CDH6: variants seen among roughly 807,000 people sequenced by gnomAD.
CDH6 encodes cadherin-6.
Under a neutral mutation model 78.0 loss-of-function variants are expected in CDH6, and 31 were observed. The observed-to-expected ratio is 0.40, with a 90% CI of 0.30 to 0.54. CDH6 has a LOEUF of 0.54. Among genes scored for constraint, CDH6 ranks in the 20% least tolerant of loss-of-function variants. The probability of loss-of-function intolerance (pLI) is 0.56; values close to 1 mark genes in which losing one functional copy is unlikely to be tolerated. For synonymous variants in CDH6, 376 were observed against 368.8 expected, an observed-to-expected ratio of 1.02 and a Z score of -0.23; for missense variants, 724 against 975.9, an observed-to-expected ratio of 0.74 and a Z score of 3.44.
rs533470726 is a variant in CDH6 at position 31,229,299 on chromosome 5, T to C, written c.-129+35413T>C. Among the ~76,000 whole-genome samples the C allele has an allele frequency of 9.7e-4, 148 of 152,366 alleles. 1 individual carries two copies. The highest frequency in any genetic ancestry group is 3.4e-3 in the African/African-American group (143 of 41,582). On this transcript the variant is annotated intron_variant, in intron 1 of 11. Coordinates refer to ENST00000265071, the MANE Select transcript of CDH6 (RefSeq NM_004932.4). ...ACTACCCTGGCTAACAGACCTCTTG[T>C]TATCCAGTTCTGGTCACCATACTGG...
At chr5:31,302,796 GAGAGAAAGAAAGAAAGAA>G (rs1339360772) in intron 6 of CDH6, among the ~76,000 whole-genome samples, 8 of 31,132 alleles carry the variant, frequency 2.6e-4, no homozygotes, top group African/African-American at 8.4e-4. Context: ...GAGAGAGAGA[GAGAGAAAGAAAGAAAGAA>G]AGAAAGAAAG....
rs1738663230 is a variant in CDH6, at chr5:31,328,431, C to T, written c.*5123C>T. 1 of 205,434 alleles carries T rather than the reference C, an allele frequency of 4.9e-6. No homozygotes were observed. The highest frequency in any genetic ancestry group is 6.0e-5 in the Admixed American group (1 of 16,770). 12.7% of individuals were successfully genotyped at this position (205,434 alleles called of 1,614,324 possible). A position where few individuals can be genotyped will look rare whatever the true frequency, so the allele number is the denominator to read the frequency against. On this transcript the variant is annotated 3_prime_UTR_variant, in exon 12 of 12. Coordinates refer to ENST00000265071, the MANE Select transcript of CDH6 (RefSeq NM_004932.4). ...GAATCAAATGTATAGAATTACCAGG[C>T]ATTCGTGGGGAATGCTGTGTAGCAA...
At chr5:31,228,861 C>A (rs1269974099) in intron 1 of CDH6, among the ~76,000 whole-genome samples, 1 of 152,172 alleles carries the variant, frequency 6.6e-6, no homozygotes, top group Non-Finnish European at 1.5e-5. Flanking sequence ...TCCATGGCCC[C>A]AGAGGTTGGG....
intron 1 of CDH6, among the ~76,000 whole-genome samples, chr5:31,253,234 G>T (rs916495199): frequency 3.3e-5 from 5 of 152,146 alleles, no homozygotes; most frequent in African/African-American, 7.2e-5. Context: ...CCCACATGCC[G>T]TCGGAGGGAC....
At chr5:31,217,417 C>T (rs1740896922) in intron 1 of CDH6, among the ~76,000 whole-genome samples, 1 of 152,138 alleles carries the variant, frequency 6.6e-6, no homozygotes. Context: ...TTTTTAAATT[C>T]TCATCAGTCT....
In CDH6 at chr5:31,297,314, G is replaced by A. The variant is rs142267261; in HGVS notation, c.549G>A (p.Ala183=). Residue 183 remains alanine, a synonymous_variant, in exon 4 of 12, where the codon GCG becomes GCA. Coordinates refer to ENST00000265071, the MANE Select transcript of CDH6 (RefSeq NM_004932.4). ...GTACATTTGTTGTCCAAGTCACTGCGACGGATGCAGATGATCCAACATATG... is the reference window on the plus strand; with the variant it reads ...GTACATTTGTTGTCCAAGTCACTGCAACGGATGCAGATGATCCAACATATG... ...DVGTFVVQVT[A]TDADDPTYGN... is the part of the protein sequence containing the mutation. 168 of 1,610,200 alleles carry A rather than the reference G, an allele frequency of 1.0e-4. 2 individuals are homozygous for A. In the Middle Eastern group the frequency reaches 2.1e-3, roughly 21 times the overall value.
At chr5:31,210,156 A>G (rs1740655450) in intron 1 of CDH6, among the ~76,000 whole-genome samples, 1 of 151,824 alleles carries the variant, frequency 6.6e-6, no homozygotes, top group Non-Finnish European at 1.5e-5. Flanking sequence ...TGTTTGGAAG[A>G]AAGAAAAGGG....
In CDH6 at chr5:31,297,409, G is replaced by T; in HGVS notation, c.643+1G>T. 6.3e-7 allele frequency: 1 copy of T among 1,596,046 alleles called. No homozygotes were observed. Among genetic ancestry groups the T allele is most frequent in the Non-Finnish European group, 8.5e-7 (1 of 1,171,804 alleles). On this transcript the variant is annotated splice_donor_variant, in intron 4 of 11. Transcript: ENST00000265071. LOFTEE classifies it high-confidence loss of function. ...TATTTTTCAGTTGAATCAGAAACAG[G>T]TTAGACTTTTTGATCTTCCTTTTTA... is the stretch of plus-strand genomic sequence containing the variant.
At chr5:31,200,879 A>C (rs752652336) in intron 1 of CDH6, among the ~76,000 whole-genome samples, 42 of 152,218 alleles carry the variant, frequency 2.8e-4, no homozygotes, top group Non-Finnish European at 1.8e-4. Flanking sequence ...AAGTTTGATC[A>C]TTAGAAATAT....
intron 2 of CDH6, among the ~76,000 whole-genome samples, chr5:31,274,917 A>C (rs917311669): frequency 6.6e-6 from 1 of 152,244 alleles, no homozygotes; most frequent in Non-Finnish European, 1.5e-5. Flanking sequence ...TCCACACTCC[A>C]ACAAGTTAAA....
Position 31,256,934 on chromosome 5 carries a change from C to T in CDH6, c.-128-10412C>T, listed in dbSNP as rs557324835. ...AGGTGGAATAGCTTGTCTGAGATCA[C>T]AAGAGAAGAAAGAGAGTAAGATCTA... On this transcript the variant is annotated intron_variant, in intron 1 of 11. Transcript: ENST00000265071. Among the ~76,000 whole-genome samples, 4 of 152,272 alleles carry T rather than the reference C, an allele frequency of 2.6e-5. No homozygotes were observed. In the South Asian group the frequency reaches 8.3e-4, roughly 32 times the overall value.
At chr5:31,282,094 G>A (rs781724346) in intron 2 of CDH6, among the ~76,000 whole-genome samples, 3 of 152,154 alleles carry the variant, frequency 2.0e-5, no homozygotes, top group Non-Finnish European at 2.9e-5. Context: ...TTCAGTTCAC[G>A]TTGAATTTCA....
rs1738665028 is a variant in CDH6, at chr5:31,328,494, C to CT, written c.*5188dup. Reference sequence around the variant, plus strand: ...CCTGCTCGGAAGAAACGTAGGAACGCTTCAAACCCACTGTAATGTTTGGTT... The same window carrying CT: ...CCTGCTCGGAAGAAACGTAGGAACGCTTTCAAACCCACTGTAATGTTTGGTT... On this transcript the variant is annotated 3_prime_UTR_variant, in exon 12 of 12. Transcript: ENST00000265071. 1 of 207,406 alleles carries CT rather than the reference C, an allele frequency of 4.8e-6. No individual in the cohort carries two copies. 12.8% of individuals were successfully genotyped at this position (207,406 alleles called of 1,614,324 possible). A position where few individuals can be genotyped will look rare whatever the true frequency, so the allele number is the denominator to read the frequency against.
At position 31,325,494 on chromosome 5, in the gene CDH6, A is replaced by G. The variant is rs1738605881; in HGVS notation, c.*2186A>G. Reference sequence around the variant, plus strand: ...AATAGAACAGCACCTTAATCACACGATTTACTGTAAAATTAAAGAGGTCTC... The same window carrying G: ...AATAGAACAGCACCTTAATCACACGGTTTACTGTAAAATTAAAGAGGTCTC... On this transcript the variant is annotated 3_prime_UTR_variant, in exon 12 of 12. Coordinates refer to ENST00000265071, the MANE Select transcript of CDH6 (RefSeq NM_004932.4). The G allele has an allele frequency of 4.3e-6, 1 of 230,950 alleles. No homozygotes were observed. Among genetic ancestry groups the G allele is most frequent in the Admixed American group, 5.7e-5 (1 of 17,694 alleles). 14.3% of individuals were successfully genotyped at this position (230,950 alleles called of 1,614,324 possible).
At chr5:31,248,709 C>T (rs1175379150) in intron 1 of CDH6, among the ~76,000 whole-genome samples, 6 of 151,996 alleles carry the variant, frequency 3.9e-5, no homozygotes, top group Admixed American at 1.3e-4. Flanking sequence ...TTCCTGAATC[C>T]TCTCACAAGC....
chr5:31,234,148 TAAC>T, intron 1 of CDH6, among the ~76,000 whole-genome samples: 1 of 152,340 alleles, frequency 6.6e-6, no homozygotes, highest in Middle Eastern at 3.4e-3. Flanking sequence ...TGTAGCCTCA[TAAC>T]AATTGTATTT....
chr5:31,226,491 G>A (rs1334841061), intron 1 of CDH6, among the ~76,000 whole-genome samples: 1 of 152,118 alleles, frequency 6.6e-6, no homozygotes, highest in African/African-American at 2.4e-5. Context: ...ACTTATTTCT[G>A]ATGGCATACA....
In CDH6 at chr5:31,271,241, G is replaced by A. The variant is rs551090844; in HGVS notation, c.228+3540G>A. ...ATAAGTCATCGTAGGATGGTGGAGT[G>A]AGGAAAATGAGAGTAAGTGAGGGAA... is the stretch of plus-strand genomic sequence containing the variant. On this transcript the variant is annotated intron_variant, in intron 2 of 11. Coordinates refer to ENST00000265071, the MANE Select transcript of CDH6 (RefSeq NM_004932.4). Among the ~76,000 whole-genome samples the A allele has an allele frequency of 7.2e-5, 11 of 152,250 alleles. No individual in the cohort carries two copies. In the South Asian group the frequency reaches 2.1e-3, roughly 29 times the overall value.
intron 1 of CDH6, among the ~76,000 whole-genome samples, chr5:31,197,102 G>A (rs1055884156): frequency 3.2e-4 from 48 of 152,134 alleles, no homozygotes; most frequent in African/African-American, 1.1e-3. Context: ...ATAAATATAT[G>A]TTGAACATCC....
Sources: allele counts gnomAD v4.1 joint callset (sites outside exome capture counted in the v4.1 genomes callset), GRCh38; gene constraint gnomAD v4.1.1; transcripts MANE v1.5; gene names NCBI Gene and HGNC (gene_info 2026-07-23, HGNC 2026-07-21).